Variants in CPXM2 observed in about 807,000 individuals in gnomAD.
CPXM2 encodes carboxypeptidase X, M14 family member 2.
In CPXM2, 66 loss-of-function variants were observed where a neutral mutation model predicts 86.1. The observed-to-expected ratio is 0.77, with a 90% CI of 0.63 to 0.94. The LOEUF (loss-of-function observed/expected upper bound fraction) is 0.94. Ranked by LOEUF, CPXM2 falls within the 40% of genes least tolerant of loss-of-function variation. The pLI is 0.00. For synonymous variants in CPXM2, 388 were observed against 400.2 expected (o/e 0.97, Z 0.36); for missense variants, 948 against 1,026.3 (o/e 0.92, Z 1.04).
rs1454992789 is a variant in CPXM2, at chr10:123,891,597, G to C, written c.63C>G (p.Ala21=). ...GGGCTGCGCCCTGGGCTCCGACCCCGGCCAGGGTCACTGCCAGGAGCACCA... is the reference window on the plus strand; with the variant it reads ...GGGCTGCGCCCTGGGCTCCGACCCCCGCCAGGGTCACTGCCAGGAGCACCA... ...LALVLLAVTL[A]GVGAQGAALE... is the part of the protein sequence containing the mutation. The change falls in exon 1 of 14, where the codon GCC becomes GCG. Residue 21 remains alanine (A), a synonymous_variant. Coordinates refer to ENST00000241305, the MANE Select transcript of CPXM2 (RefSeq NM_198148.3). This position sits in a 1 kb window ranked among gnomAD's most constrained non-coding sequence, Gnocchi z 5.6. 3 of 1,525,692 alleles carry C rather than the reference G, an allele frequency of 2.0e-6. No individual in the cohort carries two copies. Among genetic ancestry groups the C allele is most frequent in the Non-Finnish European group, 2.6e-6 (3 of 1,135,584 alleles). The allele number at this position is 1,525,692 out of a possible 1,614,324, so 94.5% of individuals were successfully genotyped here. A position where few individuals can be genotyped will look rare whatever the true frequency, so the allele number is the denominator to read the frequency against.
At chr10:123,785,342 T>C (rs73364741) in intron 6 of CPXM2, among the ~76,000 whole-genome samples, 2 of 152,316 alleles carry the variant, frequency 1.3e-5, no homozygotes, top group African/African-American at 2.4e-5. Context: ...ATGATTTCCA[T>C]GGCTCTCACT....
intron 2 of CPXM2, among the ~76,000 whole-genome samples, chr10:123,875,807 C>CT (rs780970130): frequency 0.022 from 1,875 of 84,626 alleles, 26 homozygotes; most frequent in East Asian, 0.071. Context: ...TCTTTTCTTT[C>CT]TTTTTTTTTT....
intron 2 of CPXM2, among the ~76,000 whole-genome samples, chr10:123,909,999 C>G (rs1044220663): frequency 1.3e-5 from 2 of 152,220 alleles, no homozygotes; most frequent in Non-Finnish European, 2.9e-5. Flanking sequence ...CAGCCACCTA[C>G]CTGTACTGGT....
At chr10:123,806,095 A>G (rs192570209) in intron 4 of CPXM2, among the ~76,000 whole-genome samples, 24 of 152,244 alleles carry the variant, frequency 1.6e-4, no homozygotes, top group African/African-American at 5.1e-4. Flanking sequence ...TTGCATTTCC[A>G]CGTTTCCATC....
At chr10:123,784,100 T>C (rs1213613144) in intron 6 of CPXM2, among the ~76,000 whole-genome samples, 2 of 152,122 alleles carry the variant, frequency 1.3e-5, no homozygotes, top group African/African-American at 4.8e-5. Flanking sequence ...TGCTTGGAGA[T>C]GGAGTTCTTA....
chr10:123,791,332 G>A (rs566399057), intron 6 of CPXM2, among the ~76,000 whole-genome samples: 2 of 152,280 alleles, frequency 1.3e-5, no homozygotes, highest in East Asian at 1.9e-4. Flanking sequence ...CAGGAGAATC[G>A]CTTGAATCCG....
chr10:123,751,645 C>T, intron 13 of CPXM2: 1 of 985,410 alleles, frequency 1.0e-6, no homozygotes, highest in African/African-American at 1.7e-5. Context: ...GCATTCCTAC[C>T]AGCTTCCCTC....
At chr10:123,887,908 T>C (rs965920494) in intron 1 of CPXM2, among the ~76,000 whole-genome samples, 9 of 152,324 alleles carry the variant, frequency 5.9e-5, no homozygotes, top group African/African-American at 2.2e-4. Context: ...AATAAATGTT[T>C]TTAAAGATTC....
chr10:123,798,252 A>T, intron 5 of CPXM2, 126 bp from the exon 6 acceptor site: 3 of 611,250 alleles, frequency 4.9e-6, no homozygotes, highest in South Asian at 4.6e-5. Flanking sequence ...TGCATTGAAA[A>T]GAAAAAAAAA....
At chr10:123,751,346 T>C in intron 13 of CPXM2, 1 of 226,634 alleles carries the variant, frequency 4.4e-6, no homozygotes, top group Non-Finnish European at 7.3e-6. Context: ...TCTGGAGACA[T>C]AAGTAAACAA....
intron 2 of CPXM2, among the ~76,000 whole-genome samples, chr10:123,919,807 T>A (rs1308465500): frequency 6.6e-6 from 1 of 152,192 alleles, no homozygotes; most frequent in African/African-American, 2.4e-5. Flanking sequence ...GTCAGTGGTA[T>A]CTCCTTCTGG....
chr10:123,916,478 GC>G (rs1351624695), intron 2 of CPXM2, among the ~76,000 whole-genome samples: 2 of 152,184 alleles, frequency 1.3e-5, no homozygotes, highest in African/African-American at 2.4e-5. Flanking sequence ...TTTCCATGGA[GC>G]CCCATGGGAG....
rs1431527812 is a variant in CPXM2, at chr10:123,830,870, C to CTGTGTG, written c.653+11478_653+11479insCACACA. 6.6e-4 allele frequency among the ~76,000 whole-genome samples: 68 copies of CTGTGTG among 102,678 alleles called. No homozygotes were observed. In the South Asian group the frequency reaches 7.3e-3, roughly 11 times the overall value. The allele number at this position is 102,678 out of a possible 152,430, so 67.4% of individuals were successfully genotyped here. On this transcript the variant is annotated intron_variant, in intron 4 of 13. Transcript: ENST00000241305. The stretch of plus-strand genomic sequence containing the variant: ...TGCACTCATCTCTCTCTCTCTCTCT[C>CTGTGTG]TCTGTGTGTGTGTGTGTGTGTGTGT...
At chr10:123,815,385 C>T (rs1485239104) in intron 4 of CPXM2, among the ~76,000 whole-genome samples, 2 of 152,170 alleles carry the variant, frequency 1.3e-5, no homozygotes, top group African/African-American at 4.8e-5. Flanking sequence ...TACACAGCCT[C>T]ATCAGATGTT....
intron 2 of CPXM2, among the ~76,000 whole-genome samples, chr10:123,872,308 C>A (rs941303389): frequency 8.5e-5 from 13 of 152,100 alleles, no homozygotes; most frequent in African/African-American, 3.1e-4. Flanking sequence ...GAATAAATAA[C>A]CTGCAGTATA....
At chr10:123,905,320 G>A (rs1945428925) in intron 2 of CPXM2, among the ~76,000 whole-genome samples, 1 of 152,204 alleles carries the variant, frequency 6.6e-6, no homozygotes, top group African/African-American at 2.4e-5. Context: ...TTCTGTGCTG[G>A]GATGGTGTGA....
At chr10:123,924,341 C>G (rs1200734028) in intron 2 of CPXM2, among the ~76,000 whole-genome samples, 1 of 152,192 alleles carries the variant, frequency 6.6e-6, no homozygotes, top group African/African-American at 2.4e-5. Context: ...CCACAATGAC[C>G]CCGTGTAGGG....
chr10:123,775,639 T>C (rs1416416922), intron 7 of CPXM2, among the ~76,000 whole-genome samples: 2 of 152,228 alleles, frequency 1.3e-5, no homozygotes, highest in South Asian at 4.1e-4. Context: ...TGTACTTTCA[T>C]ATCAGCCACA....
At chr10:123,934,901 TCTC>T (rs761214016) in intron 2 of CPXM2, among the ~76,000 whole-genome samples, 1 of 152,192 alleles carries the variant, frequency 6.6e-6, no homozygotes, top group Admixed American at 6.5e-5. Context: ...TGCCCAGCCT[TCTC>T]ATTCTGTCAG....
Sources: gnomAD v4.1 joint callset for allele counts (sites outside exome capture counted in the v4.1 genomes callset) on GRCh38, gnomAD v4.1.1 for gene constraint, Gnocchi (gnomAD v3.1) non-coding constraint, MANE v1.5 for transcripts, NCBI Gene and HGNC (gene_info 2026-07-23, HGNC 2026-07-21) for gene names.